The following CHM variants were observed in gnomAD, a reference collection of about 807,000 sequenced individuals.
CHM encodes CHM Rab escort protein, also known as rab proteins geranylgeranyltransferase component A 1.
Under a neutral mutation model 49.0 loss-of-function variants are expected in CHM, and 10 were observed. That is an observed-to-expected ratio of 0.20 (90% CI 0.13 to 0.35). CHM has a LOEUF of 0.35. Ranked by LOEUF, CHM falls within the 10% of genes least tolerant of loss-of-function variation. CHM has a pLI of 1.00. For missense variants in CHM, 455 were observed against 478.4 expected, an observed-to-expected ratio of 0.95 and a Z score of 0.46; for synonymous variants, 184 against 167.5, an observed-to-expected ratio of 1.10 and a Z score of -0.76.
At chrX:85,934,678 C>A (rs970566548) in intron 8 of CHM, among the ~76,000 whole-genome samples, 8 of 110,512 alleles carry the variant, frequency 7.2e-5, no homozygotes, top group Non-Finnish European at 1.3e-4. Context: ...TTAATCCAGT[C>A]TATCACTGAT....
At chrX:85,941,516 G>A (rs1201301362) in intron 8 of CHM, among the ~76,000 whole-genome samples, 2 of 111,593 alleles carry the variant, frequency 1.8e-5, no homozygotes, top group Non-Finnish European at 1.9e-5. Context: ...TATACACTAG[G>A]CATTGCATTG....
intron 8 of CHM, among the ~76,000 whole-genome samples, chrX:85,932,606 TAC>T (rs1297155548): frequency 1.8e-5 from 2 of 112,124 alleles, no homozygotes; most frequent in Non-Finnish European, 3.8e-5. Context: ...ATCTGTACAA[TAC>T]AGTGATTGCC....
At chrX:85,890,479 T>C (rs1203413904) in intron 12 of CHM, among the ~76,000 whole-genome samples, 3 of 111,453 alleles carry the variant, frequency 2.7e-5, no homozygotes, top group Admixed American at 9.5e-5. Flanking sequence ...TGGGAGGTAA[T>C]TGAATCACAG....
At chrX:85,945,968 G>A (rs1929386441) in intron 8 of CHM, among the ~76,000 whole-genome samples, 1 of 112,091 alleles carries the variant, frequency 8.9e-6, no homozygotes, top group Admixed American at 9.4e-5. Context: ...GACCTTGGCT[G>A]CGTTCTGTTC....
At chrX:86,031,952 T>A (rs2147797234) in intron 1 of CHM, among the ~76,000 whole-genome samples, 1 of 113,055 alleles carries the variant, frequency 8.8e-6, no homozygotes, top group South Asian at 3.6e-4. Flanking sequence ...TTAATATTTC[T>A]AAGTGCATAC....
At chrX:85,997,539 T>G (rs1932495333) in intron 2 of CHM, among the ~76,000 whole-genome samples, 1 of 111,375 alleles carries the variant, frequency 9.0e-6, no homozygotes, top group Admixed American at 9.6e-5. Context: ...CAATACAATG[T>G]CAAGTCAATG....
intron 2 of CHM, among the ~76,000 whole-genome samples, chrX:85,991,553 T>A (rs186059061): frequency 1.7e-3 from 193 of 111,008 alleles, no homozygotes; most frequent in African/African-American, 6.0e-3. Flanking sequence ...TATTAATAGG[T>A]CTCCCAAGAA....
rs1925675201 is a variant in CHM, at chrX:85,894,264, T to C, written c.1434A>G (p.Pro478=). 3 of 1,206,759 alleles carry C rather than the reference T, an allele frequency of 2.5e-6. No homozygotes were observed. Among genetic ancestry groups the C allele is most frequent in the Non-Finnish European group, 3.4e-6 (3 of 892,632 alleles). ...SDQQISILTV[P]AEEPGTFAVR... is the part of the protein sequence containing the mutation. Reference sequence around the variant, plus strand: ...CAGCAAAAGTTCCTGGTTCCTCTGCTGGCACTGTCAAAATGGAAATCTAAA... The same window carrying C: ...CAGCAAAAGTTCCTGGTTCCTCTGCCGGCACTGTCAAAATGGAAATCTAAA... The change falls in exon 12 of 15, where the codon CCA becomes CCG. Residue 478 remains proline (P), a synonymous_variant. Coordinates refer to ENST00000357749, the MANE Select transcript of CHM (RefSeq NM_000390.4).
At chrX:85,927,048 G>T (rs1462522118) in intron 8 of CHM, among the ~76,000 whole-genome samples, 2 of 111,478 alleles carry the variant, frequency 1.8e-5, no homozygotes, top group East Asian at 5.6e-4. Flanking sequence ...ATTAATACCT[G>T]TGTCTGACTA....
At chrX:86,011,050 C>T (rs900283478) in intron 2 of CHM, among the ~76,000 whole-genome samples, 1 of 111,577 alleles carries the variant, frequency 9.0e-6, no homozygotes, top group Non-Finnish European at 1.9e-5. Flanking sequence ...AGTGGCTTGG[C>T]ACATATACAT....
At chrX:85,916,501 A>G (rs750094689) in intron 8 of CHM, among the ~76,000 whole-genome samples, 6 of 112,132 alleles carry the variant, frequency 5.4e-5, no homozygotes, top group Non-Finnish European at 9.4e-5. Flanking sequence ...AGAAACTATC[A>G]ACAGAGTAGC....
intron 11 of CHM, among the ~76,000 whole-genome samples, chrX:85,895,126 G>GT (rs753774142): frequency 3.9e-4 from 35 of 89,346 alleles, no homozygotes; most frequent in South Asian, 5.3e-4. Context: ...TCAGGTCAAT[G>GT]TTTTTTTTTG....
rs766983208 is a variant in CHM, at chrX:86,045,451, TAAAACCTAGAATGTGTCACCAATA to T, written c.49+2009_49+2032del. ...TCATAAATTTAAGCAATGTGCTTGA[TAAAACCTAGAATGTGTCACCAATA>T]AACAATATGAAAAATTTAAGTTTTA... On this transcript the variant is annotated intron_variant, in intron 1 of 14. Transcript: ENST00000357749. Among the ~76,000 whole-genome samples, 959 of 112,386 alleles carry T rather than the reference TAAAACCTAGAATGTGTCACCAATA, an allele frequency of 8.5e-3. 4 individuals are homozygous for T. The highest frequency in any genetic ancestry group is 0.013 in the Non-Finnish European group (704 of 53,272).
intron 8 of CHM, among the ~76,000 whole-genome samples, chrX:85,923,834 G>A (rs1462961626): frequency 9.0e-6 from 1 of 110,885 alleles, no homozygotes; most frequent in African/African-American, 3.3e-5. Context: ...TATCTGAGCT[G>A]AGACCTGAAT....
At chrX:85,967,021 T>C (rs1930619324) in intron 4 of CHM, among the ~76,000 whole-genome samples, 1 of 112,256 alleles carries the variant, frequency 8.9e-6, no homozygotes, top group Admixed American at 9.5e-5. Flanking sequence ...GTTCTCAACA[T>C]TATAATTTGG....
intron 2 of CHM, among the ~76,000 whole-genome samples, chrX:86,004,910 G>A (rs909321050): frequency 2.7e-5 from 3 of 111,787 alleles, no homozygotes; most frequent in Non-Finnish European, 3.8e-5. Context: ...GCATCAAGGA[G>A]ACCTAATAGA....
Position 85,862,845 on chromosome X carries a change from C to T in CHM, c.*1785G>A, listed in dbSNP as rs1211819213. 1 of 111,448 alleles carries T rather than the reference C, an allele frequency of 9.0e-6. No homozygotes were observed. Among genetic ancestry groups the T allele is most frequent in the African/African-American group, 3.3e-5 (1 of 30,548 alleles). The allele number at this position is 111,448 out of a possible 1,213,427, so 9.2% of individuals were successfully genotyped here. ...GAACATCTCTGAAACCTGGTGAGGT[C>T]AGGGACCAGCTGCAGTTGAAGTATG... On this transcript the variant is annotated 3_prime_UTR_variant, in exon 15 of 15. Coordinates refer to ENST00000357749, the MANE Select transcript of CHM (RefSeq NM_000390.4).
intron 2 of CHM, among the ~76,000 whole-genome samples, chrX:86,018,016 A>G (rs1006207394): frequency 1.8e-5 from 2 of 112,487 alleles, no homozygotes; most frequent in Non-Finnish European, 3.8e-5. Flanking sequence ...AACAAGCCAC[A>G]TGAAGCCATA....
chrX:86,026,756 T>C (rs5923428), intron 2 of CHM, among the ~76,000 whole-genome samples: 23,524 of 111,212 alleles, frequency 0.21, 2,106 homozygotes, highest in East Asian at 0.57. Flanking sequence ...TTTTTTTATA[T>C]TGTAGCATTC....
Sources: allele counts gnomAD v4.1 joint callset (sites outside exome capture counted in the v4.1 genomes callset), GRCh38; gene constraint gnomAD v4.1.1; transcripts MANE v1.5; gene names NCBI Gene and HGNC (gene_info 2026-07-23, HGNC 2026-07-21).